The following PLCG2 variants were observed in gnomAD, a reference collection of about 807,000 sequenced individuals.
PLCG2 encodes the protein 1-phosphatidylinositol 4,5-bisphosphate phosphodiesterase gamma-2.
A neutral mutation model predicts 175.6 loss-of-function variants in PLCG2; 69 were observed. The observed-to-expected ratio is 0.39, with a 90% confidence interval of 0.32 to 0.48. The LOEUF (loss-of-function observed/expected upper bound fraction) is 0.48. Among genes scored for constraint, PLCG2 ranks in the 20% least tolerant of loss-of-function variants. The probability of loss-of-function intolerance (pLI) is 0.91; values close to 1 mark genes in which losing one functional copy is unlikely to be tolerated. For synonymous variants in PLCG2, 827 were observed against 624.0 expected (o/e 1.33, Z -4.85); for missense variants, 1,798 against 1,650.9 (o/e 1.09, Z -1.54).
intron 18 of PLCG2, 101 bp from the exon 19 acceptor site, chr16:81,912,496 G>C (rs1909670823): frequency 7.1e-7 from 1 of 1,413,028 alleles, no homozygotes; most frequent in Non-Finnish European, 9.5e-7. Flanking sequence ...CCAGGGCCAG[G>C]TTCCAGGTGT....
intron 7 of PLCG2, among the ~76,000 whole-genome samples, chr16:81,872,047 G>C (rs967469916): frequency 6.6e-6 from 1 of 152,198 alleles, no homozygotes; most frequent in African/African-American, 2.4e-5. Context: ...ATAGAATACA[G>C]GCCAGGTGCA....
Position 81,858,386 on chromosome 16 carries a change from A to G in PLCG2, c.431+30A>G, listed in dbSNP as rs369750333. On this transcript the variant is annotated intron_variant, in intron 4 of 32. Coordinates refer to ENST00000564138, the MANE Select transcript of PLCG2 (RefSeq NM_002661.5). The stretch of plus-strand genomic sequence containing the variant: ...TTGGCTTTTGCCTGTTGATTTGCGT[A>G]GTTGCTGATTCCTTTATTCTGCTGC... 1.2e-4 allele frequency: 184 copies of G among 1,474,754 alleles called. No homozygotes were observed. In the African/African-American group the frequency reaches 2.0e-3, roughly 16 times the overall value. The allele number at this position is 1,474,754 out of a possible 1,614,324, so 91.4% of individuals were successfully genotyped here.
intron 32 of PLCG2, among the ~76,000 whole-genome samples, chr16:81,957,566 G>A (rs1911625226): frequency 6.6e-6 from 1 of 152,128 alleles, no homozygotes; most frequent in Admixed American, 6.5e-5. Context: ...TTGTGGTTGT[G>A]CTACAGGCAT....
intron 16 of PLCG2, among the ~76,000 whole-genome samples, chr16:81,908,025 T>C (rs1319781517): frequency 6.6e-6 from 1 of 152,228 alleles, no homozygotes; most frequent in African/African-American, 2.4e-5. Flanking sequence ...TGGCCTTAGA[T>C]GGAGGCCGGT....
chr16:81,825,042 G>A (rs1904987495), intron 2 of PLCG2, among the ~76,000 whole-genome samples: 1 of 152,192 alleles, frequency 6.6e-6, no homozygotes, highest in African/African-American at 2.4e-5. Context: ...GCTGGGAAAG[G>A]CAATGGGTGG....
intron 16 of PLCG2, 34 bp from the exon 17 acceptor site, chr16:81,908,382 G>C (rs776543763): frequency 1.3e-6 from 2 of 1,596,884 alleles, no homozygotes; most frequent in South Asian, 1.1e-5. Context: ...TTGGTCCAAG[G>C]CTTTCAGAAA....
intron 13 of PLCG2, among the ~76,000 whole-genome samples, chr16:81,900,144 A>T (rs1253495802): frequency 4.6e-5 from 7 of 152,248 alleles, no homozygotes; most frequent in Admixed American, 3.9e-4. Context: ...TATGAATGAG[A>T]ATATATAAAA....
At chr16:81,871,764 A>T (rs1907527419) in intron 7 of PLCG2, among the ~76,000 whole-genome samples, 1 of 152,136 alleles carries the variant, frequency 6.6e-6, no homozygotes, top group Non-Finnish European at 1.5e-5. Context: ...TGTTTTATGA[A>T]AGGGAAAACA....
Position 81,958,257 on chromosome 16 carries a change from T to G in PLCG2, c.*259T>G, listed in dbSNP as rs553184218. 2 of 498,280 alleles carry G rather than the reference T, an allele frequency of 4.0e-6. No homozygotes were observed. Among genetic ancestry groups the G allele is most frequent in the South Asian group, 6.1e-5 (2 of 32,802 alleles). The allele number at this position is 498,280 out of a possible 1,614,324, so 30.9% of individuals were successfully genotyped here. On this transcript the variant is annotated 3_prime_UTR_variant, in exon 33 of 33. Coordinates refer to ENST00000564138, the MANE Select transcript of PLCG2 (RefSeq NM_002661.5). ...TGCTCCTCATTTTTGGCCTCTCATGTTCCAAACCTCATTGAATAAAAGCAA... is the reference window on the plus strand; with the variant it reads ...TGCTCCTCATTTTTGGCCTCTCATGGTCCAAACCTCATTGAATAAAAGCAA...
chr16:81,897,324 T>G (rs1388997013), intron 13 of PLCG2, among the ~76,000 whole-genome samples: 1 of 152,236 alleles, frequency 6.6e-6, no homozygotes, highest in African/African-American at 2.4e-5. Context: ...TCGCTGAGTT[T>G]GAATCCAGCT....
chr16:81,759,926 A>G (rs2143084316), intron 2 of PLCG2, among the ~76,000 whole-genome samples: 1 of 152,316 alleles, frequency 6.6e-6, no homozygotes, highest in East Asian at 1.9e-4. Context: ...GGAGATCGAG[A>G]CCATCCTGGC....
At chr16:81,740,441 G>C (rs1009543901) in intron 1 of PLCG2, 1 of 152,182 alleles carries the variant, frequency 6.6e-6, no homozygotes, top group African/African-American at 2.4e-5. Flanking sequence ...GGCTCTGGGA[G>C]TAAAGCTTCC....
At chr16:81,751,014 CTTG>C (rs1338452676) in intron 1 of PLCG2, among the ~76,000 whole-genome samples, 1 of 100,830 alleles carries the variant, frequency 9.9e-6, no homozygotes, top group African/African-American at 3.8e-5. Flanking sequence ...GAGTTTCACT[CTTG>C]TTGTCCAGAC....
chr16:81,954,371 A>C (rs942704416), intron 31 of PLCG2, among the ~76,000 whole-genome samples: 1 of 152,030 alleles, frequency 6.6e-6, no homozygotes, highest in Admixed American at 6.6e-5. Context: ...TTATTCTGTA[A>C]AATTTTACTT....
intron 19 of PLCG2, among the ~76,000 whole-genome samples, chr16:81,914,592 A>G (rs1042371252): frequency 6.6e-6 from 1 of 152,128 alleles, no homozygotes; most frequent in Non-Finnish European, 1.5e-5. Context: ...TTAGAAGTTA[A>G]TAGATGTTTG....
rs1911590686 is a variant in PLCG2 at position 81,956,852 on chromosome 16, A to G, written c.3728A>G (p.Gln1243Arg). 1 of 1,613,836 alleles carries G rather than the reference A, an allele frequency of 6.2e-7. No homozygotes were observed. Among genetic ancestry groups the G allele is most frequent in the Non-Finnish European group, 8.5e-7 (1 of 1,179,884 alleles). Residue 1243 changes from glutamine (Q) to arginine (R), a missense_variant, in exon 32 of 33, where the codon CAG becomes CGG. Gln to Arg is a conservative substitution (Grantham distance 43). Transcript: ENST00000564138. ...KEFSVNENQL[Q>R]LYQEKCNKRL... Reference sequence around the variant, plus strand: ...TTCAGTGTTAATGAGAACCAGCTCCAGCTGTACCAGGAGAAATGCAACAAG... The same window carrying G: ...TTCAGTGTTAATGAGAACCAGCTCCGGCTGTACCAGGAGAAATGCAACAAG...
chr16:81,842,376 T>C (rs1242475079), intron 2 of PLCG2, among the ~76,000 whole-genome samples: 2 of 152,214 alleles, frequency 1.3e-5, no homozygotes, highest in Admixed American at 1.3e-4. Flanking sequence ...GGACAGGGCC[T>C]GTCCTCCCTC....
chr16:81,940,013 C>T lies in PLCG2; in HGVS notation c.3435C>T (p.Pro1145=). Reference sequence around the variant, plus strand: ...ATGAAGAAGATATGTTCAGCGATCCCAACTTTCTTGCTCATGCCACTTACC... The same window carrying T: ...ATGAAGAAGATATGTTCAGCGATCCTAACTTTCTTGCTCATGCCACTTACC... ...VVYEEDMFSD[P]NFLAHATYPI... Residue 1145 remains proline (P), a synonymous_variant, in exon 30 of 33, where the codon CCC becomes CCT. Coordinates refer to ENST00000564138, the MANE Select transcript of PLCG2 (RefSeq NM_002661.5). The T allele has an allele frequency of 6.2e-7, 1 of 1,614,064 alleles. No individual in the cohort carries two copies. Among genetic ancestry groups the T allele is most frequent in the Non-Finnish European group, 8.5e-7 (1 of 1,179,906 alleles).
intron 1 of PLCG2, among the ~76,000 whole-genome samples, chr16:81,744,243 C>T (rs1220936045): frequency 2.7e-5 from 4 of 150,506 alleles, no homozygotes; most frequent in Admixed American, 2.0e-4. Context: ...TTTTGGCTCA[C>T]TGTCAGCTCC....
Sources: gnomAD v4.1 joint callset for allele counts (sites outside exome capture counted in the v4.1 genomes callset) on GRCh38, gnomAD v4.1.1 for gene constraint, MANE v1.5 for transcripts, NCBI Gene and HGNC (gene_info 2026-07-23, HGNC 2026-07-21) for gene names.